Variants in C2CD3 observed in about 807,000 individuals in gnomAD.
C2CD3 encodes C2 domain containing 3 centriole elongation regulator.
In C2CD3, 148 loss-of-function variants were observed where a neutral mutation model predicts 234.0. The ratio of observed to expected loss-of-function variants is 0.63; its 90% CI spans 0.55 to 0.72. C2CD3 has a LOEUF of 0.72. C2CD3 is among the 30% of genes least tolerant of loss of function. The pLI is 0.00. For synonymous variants in C2CD3, 1,000 were observed against 1,035.4 expected (o/e 0.97, Z 0.66); for missense variants, 2,577 against 2,811.5 (o/e 0.92, Z 1.89).
chr11:74,096,747 C>T (rs927386132), intron 16 of C2CD3, among the ~76,000 whole-genome samples: 10 of 152,262 alleles, frequency 6.6e-5, no homozygotes, highest in South Asian at 6.2e-4. Context: ...AGCCATACAA[C>T]GCCTAAACAG....
intron 24 of C2CD3, among the ~76,000 whole-genome samples, chr11:74,058,348 C>A (rs1351235159): frequency 6.6e-6 from 1 of 152,008 alleles, no homozygotes; most frequent in African/African-American, 2.4e-5. Context: ...AGGCACTGTT[C>A]TATGTACTTT....
intron 7 of C2CD3, among the ~76,000 whole-genome samples, chr11:74,126,406 T>C (rs1349884540): frequency 1.3e-5 from 2 of 152,218 alleles, no homozygotes; most frequent in African/African-American, 4.8e-5. Flanking sequence ...CATAAACAGC[T>C]TTATTGAGAT....
chr11:74,153,059 T>G (rs1169542825), intron 3 of C2CD3, among the ~76,000 whole-genome samples: 2 of 152,060 alleles, frequency 1.3e-5, no homozygotes, highest in Non-Finnish European at 2.9e-5. Flanking sequence ...ACCCTGTCTC[T>G]ACAAAAAAAT....
intron 2 of C2CD3, among the ~76,000 whole-genome samples, chr11:74,166,741 G>T (rs1285083341): frequency 6.6e-6 from 1 of 152,118 alleles, no homozygotes; most frequent in Non-Finnish European, 1.5e-5. Flanking sequence ...TTTGGGCAGG[G>T]AATACATCTC....
chr11:74,078,633 C>T lies in C2CD3; in HGVS notation c.4085G>A (p.Gly1362Asp). ...CGTGAAGGAAATCGAAAGCTCCAGA[C>T]CACCCACGATCTTCTGCATGAGCTC... ...GLELMQKIVG[G>D]LELSISFTHR... Residue 1362 changes from glycine (G) to aspartate (D), a missense_variant, in exon 23 of 33, where the codon GGT becomes GAT. Physicochemically the swap from Gly to Asp is moderately conservative, Grantham distance 94. Coordinates refer to ENST00000334126, the MANE Select transcript of C2CD3 (RefSeq NM_001286577.2). 6.2e-7 allele frequency: 1 copy of T among 1,614,162 alleles called. No homozygotes were observed. Among genetic ancestry groups the T allele is most frequent in the African/African-American group, 1.3e-5 (1 of 75,056 alleles).
intron 16 of C2CD3, among the ~76,000 whole-genome samples, chr11:74,097,148 C>T (rs1241797002): frequency 7.2e-5 from 9 of 125,052 alleles, no homozygotes; most frequent in Admixed American, 7.5e-5. Context: ...GACCTCACCT[C>T]GAAAAAAAAA....
chr11:74,147,962 A>G (rs1371490741), intron 3 of C2CD3, among the ~76,000 whole-genome samples: 3 of 152,202 alleles, frequency 2.0e-5, no homozygotes, highest in Non-Finnish European at 4.4e-5. Flanking sequence ...GAAGTGTAAC[A>G]TATGGAGGTT....
intron 20 of C2CD3, among the ~76,000 whole-genome samples, chr11:74,088,583 G>A (rs554778365): frequency 6.6e-6 from 1 of 152,342 alleles, no homozygotes; most frequent in African/African-American, 2.4e-5. Flanking sequence ...TGAGTCCTCA[G>A]ACAGAGCAAC....
At chr11:74,040,538 C>T (rs150084686) in intron 29 of C2CD3, among the ~76,000 whole-genome samples, 1 of 151,550 alleles carries the variant, frequency 6.6e-6, no homozygotes, top group Non-Finnish European at 1.5e-5. Flanking sequence ...TTTGGGGTCA[C>T]GAGGTCAGGA....
intron 23 of C2CD3, among the ~76,000 whole-genome samples, chr11:74,076,887 C>T (rs759045138): frequency 9.2e-5 from 14 of 152,158 alleles, no homozygotes; most frequent in Non-Finnish European, 1.6e-4. Context: ...ACCAAGAATA[C>T]CTTTTTCATA....
chr11:74,141,913 G>A lies in C2CD3; in HGVS notation c.484-2085C>T, dbSNP rs964119746. On this transcript the variant is annotated intron_variant, in intron 3 of 32. Coordinates refer to ENST00000334126, the MANE Select transcript of C2CD3 (RefSeq NM_001286577.2). The stretch of plus-strand genomic sequence containing the variant: ...GCTACTCGCTAGGCTGAGGCAGGAG[G>A]ACTGCTTGAGCCCCGGATATTGAGG... Among the ~76,000 whole-genome samples the A allele has an allele frequency of 2.0e-5, 3 of 151,974 alleles. No individual in the cohort carries two copies. The East Asian group carries it at 5.8e-4, about 29-fold the overall frequency.
At chr11:74,060,011 C>T (rs1259740920) in intron 24 of C2CD3, among the ~76,000 whole-genome samples, 1 of 152,200 alleles carries the variant, frequency 6.6e-6, no homozygotes, top group Admixed American at 6.5e-5. Context: ...CATGTAGCCT[C>T]GCTCACTGCT....
chr11:74,060,126 G>C (rs570597136), intron 24 of C2CD3, among the ~76,000 whole-genome samples: 1 of 152,350 alleles, frequency 6.6e-6, no homozygotes, highest in Admixed American at 6.5e-5. Flanking sequence ...TGGGAAGCTC[G>C]AACTGGGTGG....
At position 74,133,504 on chromosome 11, in the gene C2CD3, T is replaced by A; in HGVS notation, c.1009A>T (p.Lys337Ter). 2 of 1,614,068 alleles carry A rather than the reference T, an allele frequency of 1.2e-6. No individual in the cohort carries two copies. Among genetic ancestry groups the A allele is most frequent in the Non-Finnish European group, 1.7e-6 (2 of 1,179,930 alleles). ...LRNAMVISAM[K>*]SSPETSMLLD... ...AACATGCTGGTCTCTGGGCTTGATT[T>A]CATTGCAGAAATCACCATGGCATTA... The change falls in exon 6 of 33, where the codon AAA (lysine) becomes TAA (stop). Residue 337 changes from lysine to a stop codon, truncating the protein, a stop_gained. Transcript: ENST00000334126. LOFTEE classifies it high-confidence loss of function.
intron 24 of C2CD3, among the ~76,000 whole-genome samples, chr11:74,058,718 G>C (rs545865573): frequency 6.6e-6 from 1 of 152,098 alleles, no homozygotes; most frequent in Non-Finnish European, 1.5e-5. Flanking sequence ...GGGAGACTTG[G>C]TCAAGTTATT....
At chr11:74,085,057 T>C in intron 21 of C2CD3, 87 bp from the exon 22 acceptor site, 1 of 685,038 alleles carries the variant, frequency 1.5e-6, no homozygotes. Context: ...ACCCTCCCCT[T>C]ATATGCACTA....
intron 32 of C2CD3, among the ~76,000 whole-genome samples, chr11:74,024,784 G>C (rs907725589): frequency 6.6e-6 from 1 of 152,086 alleles, no homozygotes; most frequent in South Asian, 2.1e-4. Flanking sequence ...AGCCAGGAGC[G>C]TAAGATTCTG....
At chr11:74,131,094 G>A (rs11236016) in intron 7 of C2CD3, among the ~76,000 whole-genome samples, 21 of 151,478 alleles carry the variant, frequency 1.4e-4, no homozygotes, top group Admixed American at 2.6e-4. Flanking sequence ...GACTACAAGC[G>A]TGTGCCATCA....
Position 74,090,811 on chromosome 11 carries a change from A to G in C2CD3, c.3641+2T>C. 1 of 1,614,094 alleles carries G rather than the reference A, an allele frequency of 6.2e-7. No homozygotes were observed. Among genetic ancestry groups the G allele is most frequent in the Non-Finnish European group, 8.5e-7 (1 of 1,179,986 alleles). ...AGAATTGCTTGTCTCAGGTGGACTT[A>G]CTTGGCTGCTGCTTGCAGACCACAG... is the stretch of plus-strand genomic sequence containing the variant. On this transcript the variant is annotated splice_donor_variant, in intron 20 of 32. Transcript: ENST00000334126. LOFTEE classifies it high-confidence loss of function.
Sources: allele counts gnomAD v4.1 joint callset (sites outside exome capture counted in the v4.1 genomes callset), GRCh38; gene constraint gnomAD v4.1.1; transcripts MANE v1.5; gene names NCBI Gene and HGNC (gene_info 2026-07-23, HGNC 2026-07-21).